ORC3: variants seen among roughly 807,000 people sequenced by gnomAD.
ORC3 encodes the protein homolog of latheo, Drosophila.
A neutral mutation model predicts 100.7 loss-of-function variants in ORC3; 78 were observed. The ratio of observed to expected loss-of-function variants is 0.77; its 90% CI spans 0.65 to 0.94. ORC3 has a LOEUF of 0.94. ORC3 is among the 40% of genes least tolerant of loss of function. The pLI is 0.00. For synonymous variants in ORC3, 295 were observed against 289.3 expected, an observed-to-expected ratio of 1.02 and a Z score of -0.20; for missense variants, 789 against 823.9, an observed-to-expected ratio of 0.96 and a Z score of 0.52.
intron 7 of ORC3, among the ~76,000 whole-genome samples, chr6:87,610,701 C>T (rs1778692155): frequency 6.8e-6 from 1 of 146,496 alleles, no homozygotes; most frequent in Non-Finnish European, 1.5e-5. Flanking sequence ...CTACAGGCGC[C>T]CGCCACCGCG....
chr6:87,606,451 A>G (rs1028182598), intron 5 of ORC3, among the ~76,000 whole-genome samples: 1 of 152,196 alleles, frequency 6.6e-6, no homozygotes, highest in African/African-American at 2.4e-5. Flanking sequence ...ATGGTGAAAA[A>G]TAGTCCACTG....
chr6:87,621,634 A>G (rs1779538129), intron 10 of ORC3, 147 bp downstream of exon 10: 2 of 675,378 alleles, frequency 3.0e-6, no homozygotes, highest in African/African-American at 3.8e-5. Flanking sequence ...TGGATTTGAA[A>G]ATTTGGCAAA....
chr6:87,657,150 T>C (rs13198372), intron 15 of ORC3, 168 bp downstream of exon 15: 25,793 of 558,334 alleles, frequency 0.046, 780 homozygotes, highest in African/African-American at 0.086. Context: ...TTAGTCCCAT[T>C]GCCATCATTA....
At chr6:87,616,927 A>C (rs780728866) in intron 9 of ORC3, among the ~76,000 whole-genome samples, 16 of 151,858 alleles carry the variant, frequency 1.1e-4, no homozygotes, top group Non-Finnish European at 2.4e-4. Flanking sequence ...CCTCCCATGT[A>C]GCTGGGATTA....
At chr6:87,659,682 GACCA>G (rs1287395460) in intron 16 of ORC3, among the ~76,000 whole-genome samples, 2 of 151,808 alleles carry the variant, frequency 1.3e-5, no homozygotes, top group African/African-American at 4.8e-5. Context: ...AGGAGTTTGA[GACCA>G]ACCTGACCAT....
chr6:87,627,408 G>T (rs187807754), intron 11 of ORC3, among the ~76,000 whole-genome samples: 1 of 146,250 alleles, frequency 6.8e-6, no homozygotes, highest in African/African-American at 2.6e-5. Context: ...CCATTCTCCT[G>T]CCTCAGCCTC....
intron 2 of ORC3, among the ~76,000 whole-genome samples, chr6:87,597,473 G>T (rs1394710307): frequency 6.6e-6 from 1 of 151,958 alleles, no homozygotes; most frequent in Non-Finnish European, 1.5e-5. Flanking sequence ...TTTTTCAAAA[G>T]CTCCCCACAG....
Position 87,607,775 on chromosome 6 carries a change from C to T in ORC3, c.530C>T (p.Thr177Ile). 6.2e-7 allele frequency: 1 copy of T among 1,612,432 alleles called. No homozygotes were observed. The highest frequency in any genetic ancestry group is 8.5e-7 in the Non-Finnish European group (1 of 1,178,636). The change falls in exon 6 of 20, where the codon ACA (threonine) becomes ATA (isoleucine). Residue 177 changes from threonine to isoleucine, a missense_variant. This residue lies in a region of ORC3 where 399 missense variants were observed against 382.0 expected (regional missense o/e 1.04). Transcript: ENST00000392844. ...EESVHVTQRK[T>I]HYSMDSLSSW... ...AGTGTTCACGTCACCCAAAGAAAGA[C>T]ACATTATTCAATGGATTCACTTTCC...
intron 2 of ORC3, among the ~76,000 whole-genome samples, chr6:87,598,129 C>T (rs148532376): frequency 0.02 from 3,086 of 152,214 alleles, 42 homozygotes; most frequent in Middle Eastern, 0.034. Context: ...TCCTGGGCTC[C>T]GGGAATCCTC....
intron 9 of ORC3, among the ~76,000 whole-genome samples, chr6:87,620,167 C>G (rs1428577530): frequency 2.6e-5 from 4 of 152,148 alleles, no homozygotes; most frequent in Non-Finnish European, 5.9e-5. Context: ...TGGCTTCCTC[C>G]CATTCCTCTT....
Position 87,594,547 on chromosome 6 carries a change from G to A in ORC3, c.79+140G>A, listed in dbSNP as rs192814498. Reference sequence around the variant, plus strand: ...TGTAGCATTTATGTTCCAAGGCATTGGTCAAAGAGATAAGAGGACACCCCA... The same window carrying A: ...TGTAGCATTTATGTTCCAAGGCATTAGTCAAAGAGATAAGAGGACACCCCA... On this transcript the variant is annotated intron_variant, in intron 2 of 19. Transcript: ENST00000392844. 8.8e-5 allele frequency: 118 copies of A among 1,341,238 alleles called. No homozygotes were observed. In the African/African-American group the frequency reaches 1.5e-3, roughly 17 times the overall value. 83.1% of individuals were successfully genotyped at this position (1,341,238 alleles called of 1,614,324 possible).
intron 1 of ORC3, among the ~76,000 whole-genome samples, chr6:87,590,756 A>C (rs1018250090): frequency 6.6e-6 from 1 of 152,210 alleles, no homozygotes; most frequent in Admixed American, 6.5e-5. Flanking sequence ...CGAGGAGGGC[A>C]GAGAGAACAG....
intron 13 of ORC3, among the ~76,000 whole-genome samples, chr6:87,642,784 C>T (rs1332378107): frequency 6.6e-6 from 1 of 151,804 alleles, no homozygotes; most frequent in Non-Finnish European, 1.5e-5. Context: ...CGCCTGTAGT[C>T]CCAGCTACTC....
intron 4 of ORC3, among the ~76,000 whole-genome samples, chr6:87,605,039 G>T (rs919872429): frequency 6.6e-6 from 1 of 152,104 alleles, no homozygotes; most frequent in Non-Finnish European, 1.5e-5. Context: ...CCAGTTAACA[G>T]AATTTTTTTC....
In ORC3 at chr6:87,612,251, A is replaced by G. The variant is rs1471453812; in HGVS notation, c.873+3A>G. 1 of 1,587,780 alleles carries G rather than the reference A, an allele frequency of 6.3e-7. No homozygotes were observed. The highest frequency in any genetic ancestry group is 2.2e-5 in the East Asian group (1 of 44,450). On this transcript the variant is annotated splice_donor_region_variant and intron_variant, in intron 8 of 19. Coordinates refer to ENST00000392844, the MANE Select transcript of ORC3 (RefSeq NM_012381.4). The stretch of plus-strand genomic sequence containing the variant: ...ACCTGACTACGGTACTCGATAAGGT[A>G]AAAAGAATAAGTTTTACCAGTGAAA...
At chr6:87,654,295 A>G (rs1769498192) in intron 14 of ORC3, among the ~76,000 whole-genome samples, 1 of 152,202 alleles carries the variant, frequency 6.6e-6, no homozygotes, top group South Asian at 2.1e-4. Context: ...GGAAGATGAA[A>G]GAGAATGTTT....
chr6:87,671,694 T>G (rs2128298839), downstream of ORC3, among the ~76,000 whole-genome samples: 1 of 152,246 alleles, frequency 6.6e-6, no homozygotes, highest in Non-Finnish European at 1.5e-5. Flanking sequence ...GTGTAGTATT[T>G]TGCAAGCCAA....
the ORC3 span, chr6:87,677,812 T>G: frequency 6.2e-7 from 1 of 1,613,394 alleles, no homozygotes; most frequent in Non-Finnish European, 8.5e-7. Flanking sequence ...TAAACACACC[T>G]CATACCTGCA....
chr6:87,658,696 A>G (rs1769920577), intron 16 of ORC3, among the ~76,000 whole-genome samples: 1 of 152,194 alleles, frequency 6.6e-6, no homozygotes, highest in African/African-American at 2.4e-5. Context: ...AGCCAAGCCC[A>G]GAAAGTAGAG....
Sources: allele counts gnomAD v4.1 joint callset (sites outside exome capture counted in the v4.1 genomes callset), GRCh38; gene constraint gnomAD v4.1.1; regional missense constraint gnomAD v4.1.1; transcripts MANE v1.5; gene names NCBI Gene and HGNC (gene_info 2026-07-23, HGNC 2026-07-21).